VRTN: variants seen among roughly 807,000 people sequenced by gnomAD.
The protein encoded by VRTN is vertnin.
VRTN carries 5 observed loss-of-function variants against 18.2 expected under a neutral mutation model. That is an observed-to-expected ratio of 0.27 (90% CI 0.14 to 0.58). The LOEUF (loss-of-function observed/expected upper bound fraction) is 0.58, where lower values mean the gene tolerates loss of function less well. VRTN is among the 20% of genes least tolerant of loss of function. The probability of loss-of-function intolerance (pLI) is 0.91; values close to 1 mark genes in which losing one functional copy is unlikely to be tolerated. For synonymous variants in VRTN, 381 were observed against 393.7 expected (o/e 0.97, Z 0.38); for missense variants, 741 against 939.4 (o/e 0.79, Z 2.76).
upstream of VRTN, among the ~76,000 whole-genome samples, chr14:74,345,033 A>C (rs1229009917): frequency 6.6e-6 from 1 of 152,032 alleles, no homozygotes; most frequent in African/African-American, 2.4e-5. Flanking sequence ...TCTTTTTGTA[A>C]AATTTTTATT....
intron 1 of VRTN, among the ~76,000 whole-genome samples, chr14:74,303,897 G>C (rs1395569559): frequency 9.4e-5 from 13 of 138,698 alleles, no homozygotes; most frequent in African/African-American, 3.6e-4. Context: ...TGTTGCCCCG[G>C]CTAGAGTGCA....
intron 1 of VRTN, chr14:74,305,866 C>A (rs2085344777): frequency 2.0e-5 from 3 of 151,926 alleles, no homozygotes. Flanking sequence ...GAACTCCTGA[C>A]CTCAAGTGAT....
At chr14:74,319,136 G>A (rs1595164426) in intron 1 of VRTN, among the ~76,000 whole-genome samples, 1 of 152,184 alleles carries the variant, frequency 6.6e-6, no homozygotes, top group Non-Finnish European at 1.5e-5. Context: ...AGGCTCAAGC[G>A]ATTCTCCTGC....
At chr14:74,306,173 T>TATGTA (rs1491480014) in intron 1 of VRTN, 1 of 48,036 alleles carries the variant, frequency 2.1e-5, no homozygotes, top group African/African-American at 1.0e-4. Context: ...TATATATATA[T>TATGTA]TTTTTTTTTT....
intron 2 of VRTN, among the ~76,000 whole-genome samples, chr14:74,338,928 T>C (rs1259612558): frequency 3.3e-5 from 5 of 152,168 alleles, no homozygotes; most frequent in African/African-American, 9.7e-5. Flanking sequence ...TTTCACCATG[T>C]TGGCCAGGTT....
At chr14:74,315,752 C>T (rs568663504) in intron 1 of VRTN, among the ~76,000 whole-genome samples, 1 of 152,266 alleles carries the variant, frequency 6.6e-6, no homozygotes, top group African/African-American at 2.4e-5. Flanking sequence ...CACCCTGAGA[C>T]AATGCTTATC....
chr14:74,312,418 TAA>T lies in VRTN; in HGVS notation c.-164+9244_-164+9245del, dbSNP rs148110422. ...TGGAGAGAGCAAAAGGCAGTTTGAC[TAA>T]AGAGCCCATATGCTTAAGTGTTTTG... On this transcript the variant is annotated intron_variant, in intron 1 of 2. Coordinates refer to the VRTN transcript ENST00000557177. 8.1e-3 allele frequency among the ~76,000 whole-genome samples: 1,240 copies of T among 152,264 alleles called. 10 individuals are homozygous for T. Among genetic ancestry groups the T allele is most frequent in the African/African-American group, 0.028 (1,178 of 41,552 alleles).
chr14:74,347,011 A>G (rs1317249765), upstream of VRTN, among the ~76,000 whole-genome samples: 2 of 152,238 alleles, frequency 1.3e-5, no homozygotes, highest in African/African-American at 2.4e-5. Context: ...GATAACCACT[A>G]TTCTCCAAAA....
In VRTN at chr14:74,358,495, A is replaced by C. The variant is rs770417398; in HGVS notation, c.1712A>C (p.Glu571Ala). Residue 571 changes from glutamate (E) to alanine (A), a missense_variant, in exon 2 of 2, where the codon GAG becomes GCG. By Grantham distance (107) the Glu-to-Ala change is moderately radical. Transcript: ENST00000256362. This position sits in a 1 kb window ranked among gnomAD's most constrained non-coding sequence, Gnocchi z 5.4. ...CCCACCTTGGGCAAAGGGGGGCAGG[A>C]GGCTGAGGAGAAGCAGGAGAAGGAG... Reference protein sequence around the residue: ...PVPTLGKGGQEAEEKQEKEAG... With the variant: ...PVPTLGKGGQAAEEKQEKEAG... 6.2e-7 allele frequency: 1 copy of C among 1,614,064 alleles called. No homozygotes were observed.
chr14:74,320,824 G>A (rs1039413803), intron 1 of VRTN, among the ~76,000 whole-genome samples: 2 of 144,480 alleles, frequency 1.4e-5, no homozygotes, highest in Non-Finnish European at 3.0e-5. Context: ...CTGACCTCAT[G>A]ATCCACCTGC....
chr14:74,354,410 TC>T (rs1198357232), intron 1 of VRTN, among the ~76,000 whole-genome samples: 2 of 149,242 alleles, frequency 1.3e-5, no homozygotes, highest in Non-Finnish European at 2.9e-5. Flanking sequence ...AATCCATGGG[TC>T]TTTTTTTTTT....
intron 1 of VRTN, among the ~76,000 whole-genome samples, chr14:74,304,323 A>G (rs2085277666): frequency 6.6e-6 from 1 of 151,104 alleles, no homozygotes; most frequent in Admixed American, 6.6e-5. Context: ...TACCCGGCTA[A>G]TTTTGTATTT....
intron 1 of VRTN, among the ~76,000 whole-genome samples, chr14:74,349,015 CT>C (rs1039900527): frequency 2.0e-5 from 3 of 152,172 alleles, no homozygotes; most frequent in African/African-American, 7.2e-5. Context: ...CCAGCTCCCT[CT>C]TTTGCCACTC....
chr14:74,345,993 G>A (rs1013106798), upstream of VRTN, among the ~76,000 whole-genome samples: 3 of 150,268 alleles, frequency 2.0e-5, no homozygotes, highest in Admixed American at 1.3e-4. Context: ...AAATAAACAC[G>A]TATATATGCA....
rs1567036673 is a variant in VRTN at position 74,306,164 on chromosome 14, A to AT, written c.-164+2989dup. On this transcript the variant is annotated intron_variant, in intron 1 of 2. Transcript: ENST00000557177. ...AATATACATATATATATATATATATATATATATATTTTTTTTTTTTTTTTG... is the reference window on the plus strand; with the variant it reads ...AATATACATATATATATATATATATATTATATATATTTTTTTTTTTTTTTTG... 22 of 63,766 alleles carry AT rather than the reference A, an allele frequency of 3.5e-4. 1 individual carries two copies. The highest frequency in any genetic ancestry group is 4.6e-4 in the Non-Finnish European group (17 of 36,698). 4.0% of individuals were successfully genotyped at this position (63,766 alleles called of 1,614,324 possible).
upstream of VRTN, among the ~76,000 whole-genome samples, chr14:74,345,534 TA>T (rs1248048622): frequency 6.6e-6 from 1 of 151,710 alleles, no homozygotes; most frequent in African/African-American, 2.4e-5. Flanking sequence ...ATATTTCTAG[TA>T]GAGACAAGGT....
At chr14:74,331,007 G>C (rs550470133) in intron 1 of VRTN, among the ~76,000 whole-genome samples, 1 of 150,230 alleles carries the variant, frequency 6.7e-6, no homozygotes, top group Non-Finnish European at 1.5e-5. Flanking sequence ...AGACCATCCT[G>C]GCTAACACAG....
chr14:74,323,628 A>T (rs564527717), intron 1 of VRTN, among the ~76,000 whole-genome samples: 18 of 151,998 alleles, frequency 1.2e-4, no homozygotes, highest in African/African-American at 4.1e-4. Flanking sequence ...AAACCAGTGC[A>T]GATTCCTAGG....
upstream of VRTN, among the ~76,000 whole-genome samples, chr14:74,343,793 C>T (rs761597776): frequency 1.2e-4 from 19 of 152,036 alleles, no homozygotes; most frequent in Admixed American, 3.3e-4. Flanking sequence ...GTAAAACATA[C>T]ATCGCATTAA....
Sources: allele counts gnomAD v4.1 joint callset (sites outside exome capture counted in the v4.1 genomes callset), GRCh38; gene constraint gnomAD v4.1.1; non-coding constraint Gnocchi (gnomAD v3.1); transcripts MANE v1.5; gene names NCBI Gene and HGNC (gene_info 2026-07-23, HGNC 2026-07-21).